The following COL24A1 variants were observed in gnomAD, a reference collection of about 807,000 sequenced individuals.
The protein encoded by COL24A1 is collagen alpha-1(XXIV) chain.
Under a neutral mutation model 253.9 loss-of-function variants are expected in COL24A1, and 224 were observed. That is an observed-to-expected ratio of 0.88 (90% CI 0.79 to 0.99). The LOEUF (loss-of-function observed/expected upper bound fraction) is 0.99, where lower values mean the gene tolerates loss of function less well. COL24A1 is among the 50% of genes least tolerant of loss of function. The probability of loss-of-function intolerance (pLI) is 0.00; values close to 1 mark genes in which losing one functional copy is unlikely to be tolerated. For synonymous variants in COL24A1, 685 were observed against 673.7 expected (o/e 1.02, Z -0.26); for missense variants, 2,131 against 2,068.5 (o/e 1.03, Z -0.59).
chr1:85,845,998 G>GTA (rs981415066), intron 39 of COL24A1, among the ~76,000 whole-genome samples: 2 of 151,612 alleles, frequency 1.3e-5, no homozygotes, highest in Admixed American at 6.6e-5. Flanking sequence ...TATCACAATA[G>GTA]TATAGTAAGT....
In COL24A1 at chr1:85,933,699, G is replaced by T. The variant is rs115995552; in HGVS notation, c.2563-22266C>A. Among the ~76,000 whole-genome samples the T allele has an allele frequency of 4.0e-3, 604 of 152,116 alleles. 5 individuals carry two copies. Among genetic ancestry groups the T allele is most frequent in the African/African-American group, 0.014 (577 of 41,512 alleles). ...CAGACAAATGCAAGTGAGAATCAAG[G>T]GCAAAATTATATTTTCAATTGTAAA... On this transcript the variant is annotated intron_variant, in intron 24 of 59. Transcript: ENST00000370571.
intron 24 of COL24A1, among the ~76,000 whole-genome samples, chr1:85,925,787 C>A (rs779893928): frequency 6.6e-6 from 1 of 152,034 alleles, no homozygotes; most frequent in East Asian, 1.9e-4. Flanking sequence ...ACTAAAACAC[C>A]AAAAGCAAAG....
chr1:85,737,650 G>A (rs1387372315), intron 57 of COL24A1, 145 bp from the exon 58 acceptor site: 12 of 523,676 alleles, frequency 2.3e-5, no homozygotes, highest in African/African-American at 1.2e-4. Flanking sequence ...TGTAACCTCC[G>A]CTTCCTGGGT....
intron 19 of COL24A1, among the ~76,000 whole-genome samples, chr1:85,997,422 G>T (rs908721312): frequency 5.3e-5 from 8 of 151,884 alleles, no homozygotes; most frequent in Non-Finnish European, 8.8e-5. Flanking sequence ...AGTTTCCAGG[G>T]GTGGGAAAAT....
In COL24A1 at chr1:85,775,692, CTT is replaced by C. The variant is rs779675159; in HGVS notation, c.4354_4355del (p.Lys1452GlyfsTer3). The C allele has an allele frequency of 2.5e-6, 4 of 1,603,976 alleles. No individual in the cohort carries two copies. Among genetic ancestry groups the C allele is most frequent in the Non-Finnish European group, 3.4e-6 (4 of 1,176,768 alleles). On this transcript the variant is annotated frameshift_variant, in exon 53 of 60. Transcript: ENST00000370571. LOFTEE classifies it high-confidence loss of function. ...PTGRTGPRGE[K>X]GFRGETGPQG... ...AACTTACAGTTTCACCTCTAAAGCCCTTTTCACCTCTGGGTCCCTAAAAGAAA... is the reference window on the plus strand; with the variant it reads ...AACTTACAGTTTCACCTCTAAAGCCCTTCACCTCTGGGTCCCTAAAAGAAA...
At chr1:85,877,918 T>C (rs1681369679) in intron 32 of COL24A1, among the ~76,000 whole-genome samples, 2 of 152,202 alleles carry the variant, frequency 1.3e-5, no homozygotes, top group South Asian at 2.1e-4. Flanking sequence ...ATGATCTTTT[T>C]TTTTACTGAC....
At chr1:85,908,414 G>C (rs1858542) in intron 27 of COL24A1, among the ~76,000 whole-genome samples, 184 bp downstream of exon 27, 138 of 151,830 alleles carry the variant, frequency 9.1e-4, no homozygotes, top group African/African-American at 2.9e-3. Context: ...ACCAAGTAGA[G>C]GTGAGGCAGT....
intron 39 of COL24A1, among the ~76,000 whole-genome samples, chr1:85,844,697 T>A (rs143894226): frequency 2.0e-5 from 3 of 151,936 alleles, no homozygotes; most frequent in African/African-American, 7.2e-5. Flanking sequence ...AAGAAAATAG[T>A]CATTTCAAGT....
Position 85,865,022 on chromosome 1 carries a change from A to G in COL24A1, c.3300+3497T>C, listed in dbSNP as rs4146295. Among the ~76,000 whole-genome samples, 251 of 152,270 alleles carry G rather than the reference A, an allele frequency of 1.6e-3. 8 individuals are homozygous for G. In the East Asian group the frequency reaches 0.041, roughly 25 times the overall value. On this transcript the variant is annotated intron_variant, in intron 37 of 59. Coordinates refer to ENST00000370571, the MANE Select transcript of COL24A1 (RefSeq NM_152890.7). The stretch of plus-strand genomic sequence containing the variant: ...TTAGCACAAGATTCAAGCATAAAAT[A>G]TACAATTTTTTTTTCTGTTTAAAGA...
intron 19 of COL24A1, among the ~76,000 whole-genome samples, chr1:86,010,901 G>A (rs1192304987): frequency 6.6e-6 from 1 of 152,078 alleles, no homozygotes; most frequent in Non-Finnish European, 1.5e-5. Context: ...ACATACATCT[G>A]CCCCTTAAAC....
chr1:86,089,355 T>C lies in COL24A1; in HGVS notation c.1654-128A>G. 9.2e-6 allele frequency: 7 copies of C among 763,730 alleles called. No individual in the cohort carries two copies. The South Asian group carries it at 1.2e-4, about 13-fold the overall frequency. 47.3% of individuals were successfully genotyped at this position (763,730 alleles called of 1,614,324 possible). A position where few individuals can be genotyped will look rare whatever the true frequency, so the allele number is the denominator to read the frequency against. On this transcript the variant is annotated intron_variant, in intron 6 of 59. Transcript: ENST00000370571. Reference sequence around the variant, plus strand: ...ACAATCATTTCCAATCTTCACAATCTTTGAGCCTGTTTCTGAGGCTTCCTG... The same window carrying C: ...ACAATCATTTCCAATCTTCACAATCCTTGAGCCTGTTTCTGAGGCTTCCTG...
At chr1:86,143,024 G>A (rs768186019) in intron 2 of COL24A1, among the ~76,000 whole-genome samples, 39 of 152,106 alleles carry the variant, frequency 2.6e-4, no homozygotes, top group Non-Finnish European at 4.0e-4. Context: ...CAAATTCTGA[G>A]GGAATAATAT....
intron 2 of COL24A1, among the ~76,000 whole-genome samples, chr1:86,145,535 A>G (rs1651754449): frequency 1.3e-5 from 2 of 152,098 alleles, no homozygotes; most frequent in South Asian, 4.1e-4. Context: ...TACACAGGAA[A>G]TAGAAGATGC....
intron 13 of COL24A1, among the ~76,000 whole-genome samples, chr1:86,032,148 C>T (rs1019097416): frequency 2.0e-5 from 3 of 152,272 alleles, no homozygotes; most frequent in Admixed American, 6.5e-5. Context: ...CTTTTGGATG[C>T]CAGGACTACC....
intron 24 of COL24A1, among the ~76,000 whole-genome samples, chr1:85,946,351 G>C (rs994545412): frequency 6.6e-6 from 1 of 152,070 alleles, no homozygotes; most frequent in Non-Finnish European, 1.5e-5. Context: ...CTGATGCTCT[G>C]TATGCTTTCA....
At chr1:85,762,485 T>C (rs143306869) in intron 53 of COL24A1, among the ~76,000 whole-genome samples, 114 of 152,332 alleles carry the variant, frequency 7.5e-4, no homozygotes, top group Middle Eastern at 6.8e-3. Context: ...ACAAAACTTG[T>C]ACATAATTAA....
chr1:85,823,910 G>A (rs1181897088), intron 43 of COL24A1, among the ~76,000 whole-genome samples, 172 bp from the exon 44 acceptor site: 1 of 151,908 alleles, frequency 6.6e-6, no homozygotes, highest in East Asian at 1.9e-4. Context: ...TGGATATTAT[G>A]GTAGCTGAAA....
chr1:85,757,541 T>A (rs1666392223), intron 55 of COL24A1, among the ~76,000 whole-genome samples: 2 of 151,536 alleles, frequency 1.3e-5, no homozygotes, highest in Non-Finnish European at 2.9e-5. Context: ...TTAAACACCA[T>A]CAGTGCAGGC....
chr1:85,867,627 G>A (rs1001727115), intron 37 of COL24A1, among the ~76,000 whole-genome samples: 1 of 152,024 alleles, frequency 6.6e-6, no homozygotes, highest in Non-Finnish European at 1.5e-5. Context: ...AAAGATATGA[G>A]ACAAGAAAAA....
Sources: gnomAD v4.1 joint callset for allele counts (sites outside exome capture counted in the v4.1 genomes callset) on GRCh38, gnomAD v4.1.1 for gene constraint, MANE v1.5 for transcripts, NCBI Gene and HGNC (gene_info 2026-07-23, HGNC 2026-07-21) for gene names.